Variants in ANKRD28 observed in about 807,000 individuals in gnomAD.
ANKRD28 encodes serine/threonine-protein phosphatase 6 regulatory ankyrin repeat subunit A.
A neutral mutation model predicts 126.5 loss-of-function variants in ANKRD28; 44 were observed. The observed-to-expected ratio is 0.35, with a 90% CI of 0.27 to 0.45. The LOEUF is 0.45. Among genes scored for constraint, ANKRD28 ranks in the 20% least tolerant of loss-of-function variants. The probability of loss-of-function intolerance (pLI) is 1.00; values close to 1 mark genes in which losing one functional copy is unlikely to be tolerated. For missense variants in ANKRD28, 1,110 were observed against 1,316.6 expected, an observed-to-expected ratio of 0.84 and a Z score of 2.43; for synonymous variants, 442 against 468.5, an observed-to-expected ratio of 0.94 and a Z score of 0.73.
At chr3:15,730,824 A>G (rs1028025795) in intron 6 of ANKRD28, among the ~76,000 whole-genome samples, 1 of 152,224 alleles carries the variant, frequency 6.6e-6, no homozygotes, top group Non-Finnish European at 1.5e-5. Context: ...TCCGAAGTTC[A>G]TATGTTGGAA....
At position 15,769,337 on chromosome 3, in the gene ANKRD28, G is replaced by C. The variant is rs529946568; in HGVS notation, c.202-3025C>G. Among the ~76,000 whole-genome samples the C allele has an allele frequency of 1.2e-4, 19 of 152,284 alleles. No homozygotes were observed. The South Asian group carries it at 3.7e-3, about 30-fold the overall frequency. On this transcript the variant is annotated intron_variant, in intron 2 of 27. Coordinates refer to ENST00000683139, the MANE Select transcript of ANKRD28 (RefSeq NM_001349278.2). ...AATTTATATATCATATTTTACTACA[G>C]TTAAACATTGAAAATTAGGTAATAA...
chr3:15,766,679 A>G (rs1359084876), intron 2 of ANKRD28, among the ~76,000 whole-genome samples: 1 of 152,190 alleles, frequency 6.6e-6, no homozygotes, highest in Non-Finnish European at 1.5e-5. Context: ...CTCTATTAAA[A>G]ACAAAAAAAA....
intron 4 of ANKRD28, among the ~76,000 whole-genome samples, chr3:15,741,275 G>C (rs1470561870): frequency 6.6e-6 from 1 of 151,922 alleles, no homozygotes; most frequent in African/African-American, 2.4e-5. Flanking sequence ...GAAAACTGAA[G>C]AAAATCCCTA....
chr3:15,848,901 G>T (rs1296837631), intron 1 of ANKRD28, among the ~76,000 whole-genome samples: 1 of 152,042 alleles, frequency 6.6e-6, no homozygotes, highest in Non-Finnish European at 1.5e-5. Context: ...ATCCAGACTG[G>T]AAAGAAAAAA....
chr3:15,741,674 C>T (rs531118012), intron 4 of ANKRD28, among the ~76,000 whole-genome samples: 2 of 131,344 alleles, frequency 1.5e-5, no homozygotes, highest in Non-Finnish European at 1.6e-5. Context: ...TCCACAGTAC[C>T]AGTTTTCCCC....
intron 3 of ANKRD28, 71 bp downstream of exon 3, chr3:15,766,163 T>C (rs200471080): frequency 3.6e-5 from 44 of 1,223,754 alleles, no homozygotes; most frequent in Non-Finnish European, 5.1e-5. Context: ...AAATAGTCAA[T>C]TATGATTGAG....
Position 15,796,735 on chromosome 3 carries a change from T to C in ANKRD28, c.-214A>G. 1.0e-6 allele frequency: 1 copy of C among 987,400 alleles called. No homozygotes were observed. Among genetic ancestry groups the C allele is most frequent in the Non-Finnish European group, 1.2e-6 (1 of 829,354 alleles). 61.2% of individuals were successfully genotyped at this position (987,400 alleles called of 1,614,324 possible). On this transcript the variant is annotated 5_prime_UTR_variant, in exon 1 of 28. Coordinates refer to ENST00000683139, the MANE Select transcript of ANKRD28 (RefSeq NM_001349278.2). ...TTGTAACTTCCTAAATATAACGAAA[T>C]TCTATTATTTCTGTTGGATTACTGC...
intron 22 of ANKRD28, 38 bp from the exon 23 acceptor site, chr3:15,679,422 G>C (rs1483919588): frequency 6.2e-7 from 1 of 1,611,932 alleles, no homozygotes; most frequent in African/African-American, 1.3e-5. Context: ...TCACAGCAAT[G>C]GTGTATTTCT....
At position 15,797,814 on chromosome 3, in the gene ANKRD28, C is replaced by CA. The variant is rs1449137843; in HGVS notation, c.-1294dup. 1 of 985,296 alleles carries CA rather than the reference C, an allele frequency of 1.0e-6. No homozygotes were observed. The highest frequency in any genetic ancestry group is 6.2e-5 in the Admixed American group (1 of 16,258). 61.0% of individuals were successfully genotyped at this position (985,296 alleles called of 1,614,324 possible). On this transcript the variant is annotated 5_prime_UTR_variant, in exon 1 of 28. It removes the in-frame stop codon of an upstream open reading frame in the 5' UTR. Transcript: ENST00000683139. ...CTGTTCCTCAGATGATCTTGCAAAACACCACTGACATCCCCAAATGAGTAG... is the reference window on the plus strand; with the variant it reads ...CTGTTCCTCAGATGATCTTGCAAAACAACCACTGACATCCCCAAATGAGTAG...
chr3:15,701,647 A>AAAATAAATAAAT lies in ANKRD28; in HGVS notation c.1548-5414_1548-5403dup, dbSNP rs373322435. Among the ~76,000 whole-genome samples the AAAATAAATAAAT allele has an allele frequency of 3.4e-3, 511 of 152,122 alleles. 7 individuals carry two copies. The highest frequency in any genetic ancestry group is 0.012 in the African/African-American group (494 of 41,396). On this transcript the variant is annotated intron_variant, in intron 14 of 27. Transcript: ENST00000683139. ...CAAGAAGATCAAAACTCCGTCTCAAAAAATAAATAAATAAATAAATAAAAT... is the reference window on the plus strand; with the variant it reads ...CAAGAAGATCAAAACTCCGTCTCAAAAAATAAATAAATAAATAAATAAATAAATAAATAAAAT...
chr3:15,797,646 G>C lies in ANKRD28; in HGVS notation c.-1125C>G, dbSNP rs114190334. 262 of 985,120 alleles carry C rather than the reference G, an allele frequency of 2.7e-4. No individual in the cohort carries two copies. In the African/African-American group the frequency reaches 4.5e-3, roughly 17 times the overall value. The allele number at this position is 985,120 out of a possible 1,614,324, so 61.0% of individuals were successfully genotyped here. On this transcript the variant is annotated 5_prime_UTR_variant, in exon 1 of 28. Coordinates refer to ENST00000683139, the MANE Select transcript of ANKRD28 (RefSeq NM_001349278.2). ...ACATGAATACAGCTTCCATTAAACA[G>C]TCTTCATTCAGAGAAAAAAATAGCA...
intron 12 of ANKRD28, among the ~76,000 whole-genome samples, chr3:15,709,988 T>C (rs1207671783): frequency 6.6e-6 from 1 of 152,040 alleles, no homozygotes; most frequent in Non-Finnish European, 1.5e-5. Context: ...GAAGATCACA[T>C]TTGCAAAAGA....
chr3:15,849,113 CA>C (rs1409164743), intron 1 of ANKRD28, among the ~76,000 whole-genome samples: 1 of 151,934 alleles, frequency 6.6e-6, no homozygotes, highest in Non-Finnish European at 1.5e-5. Flanking sequence ...TAAGAAAGTC[CA>C]AAACTTGTAC....
chr3:15,697,555 A>G (rs947662418), intron 14 of ANKRD28, among the ~76,000 whole-genome samples: 2 of 151,736 alleles, frequency 1.3e-5, no homozygotes, highest in African/African-American at 4.8e-5. Flanking sequence ...GATTACGTGT[A>G]TTGATTTGCG....
chr3:15,783,480 TAAAC>T (rs1028984288), intron 2 of ANKRD28, among the ~76,000 whole-genome samples: 17 of 151,886 alleles, frequency 1.1e-4, no homozygotes, highest in African/African-American at 3.9e-4. Flanking sequence ...CTTAAAAAGT[TAAAC>T]AAGCATATTC....
Position 15,778,050 on chromosome 3 carries a change from G to A in ANKRD28, c.202-11738C>T, listed in dbSNP as rs182858484. 1.8e-3 allele frequency among the ~76,000 whole-genome samples: 277 copies of A among 152,136 alleles called. 1 individual carries two copies. The highest frequency in any genetic ancestry group is 6.0e-3 in the African/African-American group (248 of 41,480). On this transcript the variant is annotated intron_variant, in intron 2 of 27. Transcript: ENST00000683139. ...TTTGTTATGCAGCAATAAAAAATGCGTATCATACATAAGTATCTTTTTTCT... is the reference window on the plus strand; with the variant it reads ...TTTGTTATGCAGCAATAAAAAATGCATATCATACATAAGTATCTTTTTTCT...
At chr3:15,730,804 A>C (rs2074531765) in intron 6 of ANKRD28, among the ~76,000 whole-genome samples, 1 of 152,214 alleles carries the variant, frequency 6.6e-6, no homozygotes, top group Non-Finnish European at 1.5e-5. Context: ...ACTATGGTTT[A>C]AATGTGTCCT....
chr3:15,844,639 T>C (rs529723327), intron 1 of ANKRD28, among the ~76,000 whole-genome samples: 4 of 152,114 alleles, frequency 2.6e-5, no homozygotes, highest in Non-Finnish European at 4.4e-5. Context: ...ACTTTAATAG[T>C]TAAAACATAG....
At chr3:15,772,238 G>A (rs1195264119) in intron 2 of ANKRD28, among the ~76,000 whole-genome samples, 2 of 152,016 alleles carry the variant, frequency 1.3e-5, no homozygotes, top group African/African-American at 2.4e-5. Context: ...CAAAAACAGA[G>A]TATCAGTGAA....
Sources: allele counts gnomAD v4.1 joint callset (sites outside exome capture counted in the v4.1 genomes callset), GRCh38; gene constraint gnomAD v4.1.1; transcripts MANE v1.5; gene names NCBI Gene and HGNC (gene_info 2026-07-23, HGNC 2026-07-21).